The following ADK variants were observed in gnomAD, a reference collection of about 807,000 sequenced individuals.
ADK encodes N6,N6-dimethyladenosine kinase.
In ADK, 24 loss-of-function variants were observed where a neutral mutation model predicts 44.7. That is an observed-to-expected ratio of 0.54 (90% CI 0.39 to 0.76). The LOEUF (loss-of-function observed/expected upper bound fraction) is 0.76. Among genes scored for constraint, ADK ranks in the 30% least tolerant of loss-of-function variants. ADK has a pLI of 0.00. For missense variants in ADK, 321 were observed against 425.1 expected, an observed-to-expected ratio of 0.76 and a Z score of 2.15; for synonymous variants, 128 against 142.6, an observed-to-expected ratio of 0.90 and a Z score of 0.73.
At chr10:74,617,303 A>G (rs758097436) in intron 9 of ADK, among the ~76,000 whole-genome samples, 1 of 152,200 alleles carries the variant, frequency 6.6e-6, no homozygotes, top group Non-Finnish European at 1.5e-5. Flanking sequence ...AATGTTTGCT[A>G]TAGTCTCTTT....
chr10:74,242,364 CTTTG>C (rs763872932), intron 3 of ADK, among the ~76,000 whole-genome samples: 47 of 152,100 alleles, frequency 3.1e-4, no homozygotes, highest in South Asian at 6.2e-4. Flanking sequence ...GGGCTTATAT[CTTTG>C]TTTATTTGTG....
intron 4 of ADK, among the ~76,000 whole-genome samples, chr10:74,335,059 G>C (rs187976118): frequency 2.4e-4 from 36 of 152,228 alleles, no homozygotes; most frequent in Admixed American, 2.2e-3. Flanking sequence ...TCCTGGGTCT[G>C]TAAAACTGCC....
At chr10:74,333,156 TTTA>T (rs1446759425) in intron 4 of ADK, among the ~76,000 whole-genome samples, 1 of 152,196 alleles carries the variant, frequency 6.6e-6, no homozygotes, top group Non-Finnish European at 1.5e-5. Context: ...TTTCAGCTAT[TTTA>T]AAAGAAAAAT....
chr10:74,436,348 A>G, intron 6 of ADK, among the ~76,000 whole-genome samples: 1 of 152,196 alleles, frequency 6.6e-6, no homozygotes, highest in South Asian at 2.1e-4. Flanking sequence ...CGGAGGTTGC[A>G]GTGAGCCAAG....
At chr10:74,522,401 T>C (rs1848870215) in intron 6 of ADK, among the ~76,000 whole-genome samples, 2 of 152,212 alleles carry the variant, frequency 1.3e-5, no homozygotes, top group South Asian at 4.1e-4. Flanking sequence ...AAGGTCAGAG[T>C]GACCTTGCTT....
chr10:74,541,018 T>A (rs1849607743), intron 7 of ADK, among the ~76,000 whole-genome samples: 2 of 151,988 alleles, frequency 1.3e-5, no homozygotes, highest in African/African-American at 4.8e-5. Flanking sequence ...ATTTTATTAT[T>A]TATTTATTTA....
At chr10:74,673,008 A>G (rs1057509014) in intron 10 of ADK, among the ~76,000 whole-genome samples, 1 of 152,220 alleles carries the variant, frequency 6.6e-6, no homozygotes, top group African/African-American at 2.4e-5. Flanking sequence ...AAATCTCACC[A>G]TTAGAACTGA....
intron 6 of ADK, among the ~76,000 whole-genome samples, chr10:74,521,653 C>A (rs1848841172): frequency 6.6e-6 from 1 of 152,094 alleles, no homozygotes; most frequent in Non-Finnish European, 1.5e-5. Flanking sequence ...GCTTTAAAAT[C>A]TTCTCATTAA....
intron 9 of ADK, among the ~76,000 whole-genome samples, chr10:74,642,126 A>T (rs527546761): frequency 6.1e-4 from 93 of 152,324 alleles, no homozygotes; most frequent in African/African-American, 2.2e-3. Context: ...TTAACCAGAT[A>T]TTAAAGAGAT....
At chr10:74,627,366 C>T (rs983684709) in intron 9 of ADK, among the ~76,000 whole-genome samples, 1 of 151,938 alleles carries the variant, frequency 6.6e-6, no homozygotes, top group Non-Finnish European at 1.5e-5. Context: ...ACCTGTAGTC[C>T]CAGCTAATCA....
intron 3 of ADK, among the ~76,000 whole-genome samples, chr10:74,265,624 T>TA (rs66718420): frequency 0.64 from 97,883 of 151,964 alleles, 32,862 homozygotes; most frequent in Middle Eastern, 0.8. Context: ...ACAATCACTT[T>TA]ATCAAAGTCA....
At chr10:74,320,499 G>A (rs1840771751) in intron 4 of ADK, among the ~76,000 whole-genome samples, 2 of 152,062 alleles carry the variant, frequency 1.3e-5, no homozygotes, top group Non-Finnish European at 2.9e-5. Context: ...GTTCATGCTT[G>A]GATGTGTAGA....
At chr10:74,498,989 C>G (rs184596716) in intron 6 of ADK, among the ~76,000 whole-genome samples, 5 of 152,200 alleles carry the variant, frequency 3.3e-5, no homozygotes, top group Non-Finnish European at 4.4e-5. Flanking sequence ...CTTGGACTAT[C>G]AGAAAAACTG....
At chr10:74,617,698 C>T (rs1339065828) in intron 9 of ADK, among the ~76,000 whole-genome samples, 2 of 151,814 alleles carry the variant, frequency 1.3e-5, no homozygotes, top group Non-Finnish European at 2.9e-5. Context: ...TGGGCTCAAG[C>T]AGTCCTCCCA....
intron 4 of ADK, among the ~76,000 whole-genome samples, chr10:74,364,020 C>A (rs998226459): frequency 6.6e-6 from 1 of 152,144 alleles, no homozygotes; most frequent in Admixed American, 6.5e-5. Flanking sequence ...AGAGACACAC[C>A]CACAGGAGAT....
chr10:74,627,997 G>GGT (rs886821815), intron 9 of ADK, among the ~76,000 whole-genome samples: 11 of 152,064 alleles, frequency 7.2e-5, no homozygotes, highest in Non-Finnish European at 1.3e-4. Context: ...CCTACACGTT[G>GGT]GTATTTGAGC....
At chr10:74,185,917 G>T (rs532871017) in intron 1 of ADK, among the ~76,000 whole-genome samples, 1 of 150,472 alleles carries the variant, frequency 6.6e-6, no homozygotes, top group East Asian at 2.0e-4. Context: ...GCCCGATCTC[G>T]GCTCACTGCA....
At chr10:74,235,984 C>T (rs1243256328) in intron 3 of ADK, among the ~76,000 whole-genome samples, 2 of 152,158 alleles carry the variant, frequency 1.3e-5, no homozygotes, top group Non-Finnish European at 2.9e-5. Flanking sequence ...AAGCTGGCAC[C>T]ATACTCTAGG....
intron 7 of ADK, among the ~76,000 whole-genome samples, chr10:74,531,590 A>G (rs1345062976): frequency 6.6e-6 from 1 of 152,074 alleles, no homozygotes; most frequent in Non-Finnish European, 1.5e-5. Flanking sequence ...CTATAATACA[A>G]TGGCACAATC....
Sources: allele counts gnomAD v4.1 joint callset (sites outside exome capture counted in the v4.1 genomes callset), GRCh38; gene constraint gnomAD v4.1.1; transcripts MANE v1.5; gene names NCBI Gene and HGNC (gene_info 2026-07-23, HGNC 2026-07-21).